The following ARSB variants were observed in gnomAD, a reference collection of about 807,000 sequenced individuals.
ARSB encodes arylsulfatase B.
ARSB carries 41 observed loss-of-function variants against 50.9 expected under a neutral mutation model. The ratio of observed to expected loss-of-function variants is 0.81; its 90% confidence interval spans 0.63 to 1.04. The LOEUF is 1.04. ARSB is among the 50% of genes least tolerant of loss of function. ARSB has a pLI of 0.00. For synonymous variants in ARSB, 269 were observed against 284.8 expected, an observed-to-expected ratio of 0.94 and a Z score of 0.56; for missense variants, 672 against 693.3, an observed-to-expected ratio of 0.97 and a Z score of 0.35.
At chr5:78,918,661 T>A (rs1374102801) in intron 4 of ARSB, among the ~76,000 whole-genome samples, 1 of 152,224 alleles carries the variant, frequency 6.6e-6, no homozygotes, top group Non-Finnish European at 1.5e-5. Flanking sequence ...AATGCCTGAT[T>A]TTCTAAAATG....
Position 78,777,292 on chromosome 5 carries a change from A to G in ARSB, c.*3105T>C, listed in dbSNP as rs761506604. 9 of 152,394 alleles carry G rather than the reference A, an allele frequency of 5.9e-5. No homozygotes were observed. Among genetic ancestry groups the G allele is most frequent in the African/African-American group, 9.7e-5 (4 of 41,438 alleles). 9.4% of individuals were successfully genotyped at this position (152,394 alleles called of 1,614,324 possible). ...AATTTATGTACTATAAAGTTGGTTG[A>G]CACATTTAAAAATTGTAATAAAACA... On this transcript the variant is annotated 3_prime_UTR_variant, in exon 8 of 8. Transcript: ENST00000264914.
intron 4 of ARSB, among the ~76,000 whole-genome samples, chr5:78,950,786 C>T (rs1176006992): frequency 6.6e-6 from 1 of 152,176 alleles, no homozygotes; most frequent in Non-Finnish European, 1.5e-5. Context: ...TGACCAGAGG[C>T]CACAAGACGG....
At chr5:78,785,923 G>A (rs1432740318) in intron 6 of ARSB, among the ~76,000 whole-genome samples, 1 of 152,088 alleles carries the variant, frequency 6.6e-6, no homozygotes, top group African/African-American at 2.4e-5. Context: ...TCAGAGAGGT[G>A]GCAACTTTTC....
At chr5:78,797,130 G>A (rs908516222) in intron 6 of ARSB, among the ~76,000 whole-genome samples, 58 of 152,148 alleles carry the variant, frequency 3.8e-4, no homozygotes, top group African/African-American at 1.3e-3. Context: ...CGCCCGCCTC[G>A]GCCTCCCAAA....
chr5:78,854,124 A>T (rs929212724), intron 5 of ARSB, among the ~76,000 whole-genome samples: 6 of 152,230 alleles, frequency 3.9e-5, no homozygotes, highest in Admixed American at 2.6e-4. Flanking sequence ...CCTCAGAGGG[A>T]AATGCAGAAA....
chr5:78,785,385 G>A (rs1749049664), intron 6 of ARSB, among the ~76,000 whole-genome samples: 1 of 152,088 alleles, frequency 6.6e-6, no homozygotes, highest in South Asian at 2.1e-4. Flanking sequence ...TGTTAACTAT[G>A]GTGTTCAAAT....
At chr5:78,894,216 GGT>G (rs1265971283) in intron 4 of ARSB, among the ~76,000 whole-genome samples, 12 of 152,304 alleles carry the variant, frequency 7.9e-5, no homozygotes, top group Admixed American at 5.9e-4. Flanking sequence ...CAAAAGAACA[GGT>G]GTACTAACAA....
intron 4 of ARSB, among the ~76,000 whole-genome samples, chr5:78,947,669 T>C (rs2112460346): frequency 6.6e-6 from 1 of 152,296 alleles, no homozygotes; most frequent in East Asian, 1.9e-4. Context: ...AGGGTACTTT[T>C]GTACAATGTT....
In ARSB at chr5:78,985,127, G is replaced by C; in HGVS notation, c.122C>G (p.Ala41Gly). ...GAAGACCAGGTGGGGCGGCCGGCTG[G>C]CCCCGGCGCCCGAGCCCGGCGGCGC... ...LLAPPGSGAG[A>G]SRPPHLVFLL... Residue 41 changes from alanine (A) to glycine (G), a missense_variant, in exon 1 of 8, where the codon GCC (alanine) becomes GGC (glycine). Physicochemically the swap from Ala to Gly is moderately conservative, Grantham distance 60. Coordinates refer to ENST00000264914, the MANE Select transcript of ARSB (RefSeq NM_000046.5). 2 of 1,478,334 alleles carry C rather than the reference G, an allele frequency of 1.4e-6. No individual in the cohort carries two copies. Among genetic ancestry groups the C allele is most frequent in the Non-Finnish European group, 1.8e-6 (2 of 1,113,140 alleles). 91.6% of individuals were successfully genotyped at this position (1,478,334 alleles called of 1,614,324 possible). A position where few individuals can be genotyped will look rare whatever the true frequency, so the allele number is the denominator to read the frequency against.
chr5:78,950,771 A>ACAGTGACCAGAGGCC (rs1751463673), intron 4 of ARSB, among the ~76,000 whole-genome samples: 1 of 152,194 alleles, frequency 6.6e-6, no homozygotes, highest in Non-Finnish European at 1.5e-5. Flanking sequence ...TCAACCAGGA[A>ACAGTGACCAGAGGCC]ACAGTGACCA....
intron 6 of ARSB, 98 bp from the exon 7 acceptor site, chr5:78,782,072 A>G: frequency 6.9e-7 from 1 of 1,450,892 alleles, no homozygotes; most frequent in Non-Finnish European, 9.7e-7. Flanking sequence ...GCTTTTATTC[A>G]ACACTGGAGT....
intron 4 of ARSB, among the ~76,000 whole-genome samples, chr5:78,906,161 T>TA (rs1267460741): frequency 1.5e-5 from 2 of 136,240 alleles, no homozygotes; most frequent in Non-Finnish European, 3.1e-5. Flanking sequence ...TAACCAAACA[T>TA]AAAAAATTAA....
At chr5:78,841,176 A>AATG (rs1745200028) in intron 5 of ARSB, among the ~76,000 whole-genome samples, 1 of 149,900 alleles carries the variant, frequency 6.7e-6, no homozygotes, top group African/African-American at 2.5e-5. Context: ...TACTAATAAT[A>AATG]ATAATAATTT....
At chr5:78,896,195 T>G (rs989427392) in intron 4 of ARSB, among the ~76,000 whole-genome samples, 1 of 152,174 alleles carries the variant, frequency 6.6e-6, no homozygotes, top group Non-Finnish European at 1.5e-5. Context: ...AGCACAAATG[T>G]GGCACAGAGA....
intron 4 of ARSB, among the ~76,000 whole-genome samples, chr5:78,952,952 T>C (rs1751551440): frequency 6.6e-6 from 1 of 152,170 alleles, no homozygotes; most frequent in African/African-American, 2.4e-5. Context: ...TCTAGTGACT[T>C]CTCTAGGCAT....
intron 7 of ARSB, among the ~76,000 whole-genome samples, 190 bp downstream of exon 7, chr5:78,781,662 C>T (rs1428822767): frequency 1.3e-5 from 2 of 152,124 alleles, no homozygotes; most frequent in Non-Finnish European, 2.9e-5. Flanking sequence ...GGCTTAGGGG[C>T]CTTGAGGAGG....
intron 4 of ARSB, among the ~76,000 whole-genome samples, chr5:78,921,100 G>A (rs1300115709): frequency 2.0e-5 from 3 of 152,094 alleles, no homozygotes; most frequent in Admixed American, 2.0e-4. Flanking sequence ...TCAATGACCT[G>A]TCCTTTTCTC....
intron 6 of ARSB, among the ~76,000 whole-genome samples, chr5:78,815,190 T>C (rs1743944537): frequency 6.6e-6 from 1 of 150,880 alleles, no homozygotes; most frequent in Admixed American, 6.6e-5. Flanking sequence ...TCTAGTCGCA[T>C]GGTTGCTGAA....
At chr5:78,864,226 C>G (rs1350805869) in intron 5 of ARSB, among the ~76,000 whole-genome samples, 1 of 152,048 alleles carries the variant, frequency 6.6e-6, no homozygotes, top group African/African-American at 2.4e-5. Flanking sequence ...ATCCCCAAGA[C>G]TGGACAATTT....
Sources: gnomAD v4.1 joint callset for allele counts (sites outside exome capture counted in the v4.1 genomes callset) on GRCh38, gnomAD v4.1.1 for gene constraint, MANE v1.5 for transcripts, NCBI Gene and HGNC (gene_info 2026-07-23, HGNC 2026-07-21) for gene names.